Variants in LRRFIP2 observed in about 807,000 individuals in gnomAD.
LRRFIP2 encodes leucine-rich repeat flightless-interacting protein 2.
Under a neutral mutation model 125.9 loss-of-function variants are expected in LRRFIP2, and 109 were observed. The observed-to-expected ratio is 0.87, with a 90% CI of 0.74 to 1.01. LRRFIP2 has a LOEUF of 1.01. LRRFIP2 is among the 50% of genes least tolerant of loss of function. The probability of loss-of-function intolerance (pLI) is 0.00; values close to 1 mark genes in which losing one functional copy is unlikely to be tolerated. For synonymous variants in LRRFIP2, 291 were observed against 293.1 expected, an observed-to-expected ratio of 0.99 and a Z score of 0.07; for missense variants, 850 against 862.3, an observed-to-expected ratio of 0.99 and a Z score of 0.18.
At position 37,059,564 on chromosome 3, in the gene LRRFIP2, G is replaced by A. The variant is rs59275690; in HGVS notation, c.1750-654C>T. 1.2e-3 allele frequency among the ~76,000 whole-genome samples: 175 copies of A among 152,114 alleles called. 1 individual carries two copies. Among genetic ancestry groups the A allele is most frequent in the African/African-American group, 4.0e-3 (164 of 41,506 alleles). On this transcript the variant is annotated intron_variant, in intron 24 of 27. Coordinates refer to ENST00000336686, the MANE Select transcript of LRRFIP2 (RefSeq NM_006309.4). Reference sequence around the variant, plus strand: ...AGCACTTTGGGAAGCTGAGGCGGGCGGATCACAAGGTCAAGAGATCGAGGC... The same window carrying A: ...AGCACTTTGGGAAGCTGAGGCGGGCAGATCACAAGGTCAAGAGATCGAGGC...
chr3:37,105,279 C>G (rs2094261887), intron 14 of LRRFIP2, among the ~76,000 whole-genome samples, 176 bp downstream of exon 14: 1 of 151,968 alleles, frequency 6.6e-6, no homozygotes, highest in African/African-American at 2.4e-5. Context: ...CTTGCACAGC[C>G]CACAGAGAAT....
intron 15 of LRRFIP2, among the ~76,000 whole-genome samples, chr3:37,098,393 T>C (rs905532036): frequency 6.6e-6 from 1 of 151,014 alleles, no homozygotes; most frequent in Non-Finnish European, 1.5e-5. Flanking sequence ...TTTTTCTTTT[T>C]TTTCTTTTTT....
At chr3:37,161,029 G>A (rs962021164) in intron 1 of LRRFIP2, among the ~76,000 whole-genome samples, 17 of 151,902 alleles carry the variant, frequency 1.1e-4, no homozygotes, top group Admixed American at 7.2e-4. Flanking sequence ...CCATAAAATG[G>A]AATATTACCT....
At chr3:37,088,482 G>A (rs2093223762) in intron 18 of LRRFIP2, among the ~76,000 whole-genome samples, 1 of 150,976 alleles carries the variant, frequency 6.6e-6, no homozygotes, top group Non-Finnish European at 1.5e-5. Flanking sequence ...TTGTAGATGA[G>A]CCTGAGCAAC....
In LRRFIP2 at chr3:37,054,818, T is replaced by C. The variant is rs534951224; in HGVS notation, c.1950+268A>G. 2.6e-5 allele frequency among the ~76,000 whole-genome samples: 4 copies of C among 152,344 alleles called. No individual in the cohort carries two copies. The East Asian group carries it at 7.7e-4, about 29-fold the overall frequency. ...ACACTAAATGGAAAAGTTCTTACACTTTTTGGAATGCGTAAGGGATTTTAT... is the reference window on the plus strand; with the variant it reads ...ACACTAAATGGAAAAGTTCTTACACCTTTTGGAATGCGTAAGGGATTTTAT... On this transcript the variant is annotated intron_variant, in intron 26 of 27. Coordinates refer to ENST00000336686, the MANE Select transcript of LRRFIP2 (RefSeq NM_006309.4).
intron 25 of LRRFIP2, among the ~76,000 whole-genome samples, chr3:37,057,837 T>A (rs552729982): frequency 6.6e-6 from 1 of 152,334 alleles, no homozygotes; most frequent in East Asian, 1.9e-4. Context: ...AACTACAAAT[T>A]CCTGCTGAAA....
At chr3:37,086,792 T>C (rs919730425) in intron 18 of LRRFIP2, among the ~76,000 whole-genome samples, 2 of 152,168 alleles carry the variant, frequency 1.3e-5, no homozygotes, top group Non-Finnish European at 2.9e-5. Flanking sequence ...AATTATATAT[T>C]TTAAATGGGT....
chr3:37,164,322 T>C (rs1479575070), intron 1 of LRRFIP2, among the ~76,000 whole-genome samples: 1 of 152,032 alleles, frequency 6.6e-6, no homozygotes, highest in Non-Finnish European at 1.5e-5. Flanking sequence ...GGAGGGAAAG[T>C]GGGATGAAAT....
chr3:37,062,324 G>T (rs1187754640), intron 24 of LRRFIP2, among the ~76,000 whole-genome samples: 31 of 152,140 alleles, frequency 2.0e-4, no homozygotes, highest in Non-Finnish European at 3.5e-4. Context: ...CTAGAATAGT[G>T]CATGTTAAAT....
At chr3:37,130,523 C>G (rs1466400262) in intron 2 of LRRFIP2, among the ~76,000 whole-genome samples, 3 of 152,174 alleles carry the variant, frequency 2.0e-5, no homozygotes, top group Non-Finnish European at 4.4e-5. Context: ...TAGTTCCCCC[C>G]TTATCTGTTG....
chr3:37,143,592 C>G (rs1388299923), intron 2 of LRRFIP2: 7 of 235,180 alleles, frequency 3.0e-5, no homozygotes, highest in Non-Finnish European at 6.3e-5. Context: ...TTCAGTGGAT[C>G]GTCAAAATTC....
intron 6 of LRRFIP2, among the ~76,000 whole-genome samples, chr3:37,117,845 T>A (rs971128711): frequency 1.6e-4 from 24 of 152,322 alleles, no homozygotes; most frequent in Middle Eastern, 3.4e-3. Flanking sequence ...CCATAGTGTC[T>A]TTCCTTTTGG....
chr3:37,087,702 C>A (rs1205913965), intron 18 of LRRFIP2, among the ~76,000 whole-genome samples: 3 of 152,124 alleles, frequency 2.0e-5, no homozygotes, highest in African/African-American at 4.8e-5. Context: ...GATTCTCCTG[C>A]CTCAGCCTCC....
intron 16 of LRRFIP2, among the ~76,000 whole-genome samples, chr3:37,095,496 G>T (rs889745175): frequency 6.6e-6 from 1 of 152,128 alleles, no homozygotes; most frequent in African/African-American, 2.4e-5. Flanking sequence ...ATATACTTGC[G>T]ATTAGCCACA....
chr3:37,122,238 G>GAC (rs2095086125), intron 4 of LRRFIP2, among the ~76,000 whole-genome samples: 1 of 151,976 alleles, frequency 6.6e-6, no homozygotes, highest in Non-Finnish European at 1.5e-5. Context: ...CCCTACAAAG[G>GAC]ACATGAACTC....
chr3:37,085,292 T>G (rs1263256248), intron 18 of LRRFIP2, among the ~76,000 whole-genome samples: 1 of 152,056 alleles, frequency 6.6e-6, no homozygotes, highest in Non-Finnish European at 1.5e-5. Flanking sequence ...GGTGGATCAC[T>G]TGAGGTCAGG....
intron 2 of LRRFIP2, among the ~76,000 whole-genome samples, chr3:37,131,366 C>T (rs920743681): frequency 2.0e-5 from 3 of 152,226 alleles, no homozygotes; most frequent in East Asian, 1.9e-4. Flanking sequence ...GTCTCTATTG[C>T]GGCTTTATTA....
intron 18 of LRRFIP2, 54 bp downstream of exon 18, chr3:37,091,413 T>C (rs1017918836): frequency 3.2e-5 from 47 of 1,448,302 alleles, no homozygotes; most frequent in Admixed American, 1.7e-4. Context: ...AAGCCACCAT[T>C]GCCAACACTT....
intron 18 of LRRFIP2, among the ~76,000 whole-genome samples, chr3:37,085,760 T>G (rs2093002314): frequency 6.6e-6 from 1 of 151,874 alleles, no homozygotes; most frequent in South Asian, 2.1e-4. Context: ...TTTTTGTATT[T>G]TTTAGTAGAG....
Sources: gnomAD v4.1 joint callset for allele counts (sites outside exome capture counted in the v4.1 genomes callset) on GRCh38, gnomAD v4.1.1 for gene constraint, MANE v1.5 for transcripts, NCBI Gene and HGNC (gene_info 2026-07-23, HGNC 2026-07-21) for gene names.